ZDHHC11: variants seen among roughly 807,000 people sequenced by gnomAD.
The protein encoded by ZDHHC11 is palmitoyltransferase ZDHHC11.
ZDHHC11 carries 44 observed loss-of-function variants against 51.3 expected under a neutral mutation model. The ratio of observed to expected loss-of-function variants is 0.86; its 90% CI spans 0.67 to 1.10. The LOEUF (loss-of-function observed/expected upper bound fraction) is 1.10. Ranked by LOEUF, ZDHHC11 falls within the 50% of genes least tolerant of loss-of-function variation. The pLI is 0.00. For missense variants in ZDHHC11, 400 were observed against 537.7 expected (o/e 0.74, Z 2.53); for synonymous variants, 163 against 222.0 (o/e 0.73, Z 2.36).
At chr5:801,675 G>A (rs1341526991) in intron 11 of ZDHHC11, among the ~76,000 whole-genome samples, 1 of 151,326 alleles carries the variant, frequency 6.6e-6, no homozygotes, top group Non-Finnish European at 1.5e-5. Flanking sequence ...ATGTGTGCTG[G>A]CCAGCTGGCA....
At chr5:804,393 G>A (rs968947340) in intron 11 of ZDHHC11, among the ~76,000 whole-genome samples, 2 of 151,098 alleles carry the variant, frequency 1.3e-5, no homozygotes, top group East Asian at 1.9e-4. Flanking sequence ...GTCTTGGAAC[G>A]TATCCCCCAC....
chr5:850,585 C>A lies in ZDHHC11; in HGVS notation c.18G>T (p.Gly6=). ...CTTCTGGGGTGACGGAACACTGGCT[C>A]CCGGAGCGGGTGTCCATCTGCAGGA... MDTRS[G]SQCSVTPEAI... is the part of the protein sequence containing the mutation. Residue 6 remains glycine, a synonymous_variant, in exon 1 of 13, where the codon GGG becomes GGT. Coordinates refer to ENST00000283441, the MANE Select transcript of ZDHHC11 (RefSeq NM_024786.3). 6.2e-7 allele frequency: 1 copy of A among 1,613,374 alleles called. No homozygotes were observed. The highest frequency in any genetic ancestry group is 1.3e-5 in the African/African-American group (1 of 75,020).
At chr5:799,207 C>A (rs1738056037) in intron 12 of ZDHHC11, among the ~76,000 whole-genome samples, 1 of 151,372 alleles carries the variant, frequency 6.6e-6, no homozygotes, top group South Asian at 2.1e-4. Context: ...GTACTTCTTG[C>A]TCTAACGAAC....
At chr5:825,736 G>A (rs1742273691) in intron 7 of ZDHHC11, among the ~76,000 whole-genome samples, 1 of 152,240 alleles carries the variant, frequency 6.6e-6, no homozygotes, top group South Asian at 2.1e-4. Context: ...CAGAACAGGT[G>A]ACAACTCCGC....
At chr5:829,733 A>G (rs1359087055) in intron 7 of ZDHHC11, among the ~76,000 whole-genome samples, 1 of 151,584 alleles carries the variant, frequency 6.6e-6, no homozygotes, top group African/African-American at 2.4e-5. Context: ...AGATGCAAAA[A>G]TCCTCAACAA....
In ZDHHC11 at chr5:850,623, G is replaced by A. The variant is rs2150473811; in HGVS notation, c.-21C>T. 1.9e-6 allele frequency: 3 copies of A among 1,610,300 alleles called. No individual in the cohort carries two copies. The highest frequency in any genetic ancestry group is 2.2e-5 in the East Asian group (1 of 44,762). ...TCCATCTGCAGGACACAGAAGGGGA[G>A]GACCTGCGCCGTCAGATCCTGGGAG... On this transcript the variant is annotated 5_prime_UTR_variant, in exon 1 of 13. Transcript: ENST00000283441.
At chr5:797,595 G>A (rs1026447525) in intron 12 of ZDHHC11, among the ~76,000 whole-genome samples, 2 of 151,330 alleles carry the variant, frequency 1.3e-5, no homozygotes, top group Admixed American at 1.3e-4. Flanking sequence ...AAAAAAATCA[G>A]TGATATTTCT....
At chr5:819,449 C>T in intron 10 of ZDHHC11, 76 bp downstream of exon 10, 1 of 1,502,446 alleles carries the variant, frequency 6.7e-7, no homozygotes, top group Non-Finnish European at 9.2e-7. Flanking sequence ...ACCTTAACCT[C>T]AGCTTGGGGG....
chr5:804,936 A>C (rs1202187613), intron 11 of ZDHHC11, among the ~76,000 whole-genome samples: 1 of 151,522 alleles, frequency 6.6e-6, no homozygotes, highest in Non-Finnish European at 1.5e-5. Context: ...TGGCAAAAAA[A>C]TAAAGAACAC....
intron 6 of ZDHHC11, among the ~76,000 whole-genome samples, chr5:834,836 T>C (rs1743605289): frequency 6.6e-6 from 1 of 151,996 alleles, no homozygotes. Context: ...GACATAATGC[T>C]GTTGCACACG....
rs145596669 is a variant in ZDHHC11, at chr5:835,201, G to A, written c.901-1394C>T. Among the ~76,000 whole-genome samples, 568 of 150,746 alleles carry A rather than the reference G, an allele frequency of 3.8e-3. 19 individuals are homozygous for A. The highest frequency in any genetic ancestry group is 0.027 in the South Asian group (130 of 4,774). On this transcript the variant is annotated intron_variant, in intron 6 of 12. Coordinates refer to ENST00000283441, the MANE Select transcript of ZDHHC11 (RefSeq NM_024786.3). ...GATTTGGGGCTAATTCTTCCGTGGC[G>A]AATGAAGTGATCCTGGGTAATCTTT...
chr5:854,281 A>G (rs73730976), upstream of ZDHHC11, among the ~76,000 whole-genome samples: 5,570 of 139,498 alleles, frequency 0.04, 324 homozygotes, highest in African/African-American at 0.14. Flanking sequence ...ACAGTGAGCC[A>G]GGGGCCACAG....
intron 11 of ZDHHC11, among the ~76,000 whole-genome samples, chr5:803,724 A>T (rs403780): frequency 0.66 from 98,360 of 149,824 alleles, 37,755 homozygotes; most frequent in Non-Finnish European, 0.86. Flanking sequence ...TATGCTCAGT[A>T]AACTACAGGA....
At chr5:841,030 A>C in intron 4 of ZDHHC11, 1 of 1,130,974 alleles carries the variant, frequency 8.8e-7, no homozygotes. Flanking sequence ...CTTCCTCACT[A>C]AGTGCCGGGG....
At chr5:846,630 T>G (rs1250498246) in intron 3 of ZDHHC11, among the ~76,000 whole-genome samples, 1 of 132,398 alleles carries the variant, frequency 7.6e-6, no homozygotes, top group South Asian at 2.3e-4. Flanking sequence ...CCTCTCATCC[T>G]TGCGCCTCCA....
chr5:817,461 A>G (rs1184410634), intron 10 of ZDHHC11, among the ~76,000 whole-genome samples: 24 of 151,498 alleles, frequency 1.6e-4, no homozygotes, highest in African/African-American at 5.8e-4. Context: ...GTATGTATAT[A>G]TCTCACTTGG....
chr5:816,702 T>A (rs1437982916), intron 10 of ZDHHC11: 2 of 589,738 alleles, frequency 3.4e-6, no homozygotes, highest in African/African-American at 3.7e-5. Context: ...TGATGGGAAT[T>A]CTGACTATTT....
intron 11 of ZDHHC11, among the ~76,000 whole-genome samples, chr5:812,086 T>TA: frequency 1.5e-5 from 2 of 135,092 alleles, no homozygotes; most frequent in Non-Finnish European, 3.0e-5. Context: ...TCTCTCCCTG[T>TA]ATGCAAAAAT....
chr5:814,758 T>TA lies in ZDHHC11; in HGVS notation c.1181+2dup, dbSNP rs760831306. 1.0e-5 allele frequency: 16 copies of TA among 1,560,180 alleles called. No individual in the cohort carries two copies. The highest frequency in any genetic ancestry group is 1.1e-5 in the Non-Finnish European group (13 of 1,154,568). The stretch of plus-strand genomic sequence containing the variant: ...AACGTTCCCGTTAAACTTACGAACT[T>TA]ACCCAAGTGTAGATATACTCGGGGC... On this transcript the variant is annotated splice_region_variant and intron_variant, in intron 11 of 12. Transcript: ENST00000283441.
Sources: allele counts gnomAD v4.1 joint callset (sites outside exome capture counted in the v4.1 genomes callset), GRCh38; gene constraint gnomAD v4.1.1; transcripts MANE v1.5; gene names NCBI Gene and HGNC (gene_info 2026-07-23, HGNC 2026-07-21).